Variants in FHOD3 observed in about 807,000 individuals in gnomAD.
FHOD3 encodes the protein formin homology 2 domain containing 3.
A neutral mutation model predicts 173.0 loss-of-function variants in FHOD3; 90 were observed. That is an observed-to-expected ratio of 0.52 (90% CI 0.44 to 0.62). The LOEUF (loss-of-function observed/expected upper bound fraction) is 0.62. Ranked by LOEUF, FHOD3 falls within the 20% of genes least tolerant of loss-of-function variation. The pLI, the probability that FHOD3 is intolerant of heterozygous loss-of-function variation, is 0.00. For missense variants in FHOD3, 1,945 were observed against 2,034.7 expected (o/e 0.96, Z 0.85); for synonymous variants, 828 against 823.0 (o/e 1.01, Z -0.10).
chr18:36,564,355 T>C (rs184983225), intron 5 of FHOD3, among the ~76,000 whole-genome samples: 3 of 152,336 alleles, frequency 2.0e-5, no homozygotes, highest in South Asian at 2.1e-4. Flanking sequence ...TAATCTGTTA[T>C]ACTTTCCTTC....
At chr18:36,587,897 G>T (rs2059090833) in intron 6 of FHOD3, among the ~76,000 whole-genome samples, 1 of 152,076 alleles carries the variant, frequency 6.6e-6, no homozygotes, top group South Asian at 2.1e-4. Flanking sequence ...AAATCCTAAG[G>T]GCTACCCAGC....
intron 1 of FHOD3, among the ~76,000 whole-genome samples, chr18:36,301,344 A>G (rs958461277): frequency 1.3e-5 from 2 of 152,232 alleles, no homozygotes; most frequent in Admixed American, 6.5e-5. Flanking sequence ...TTGTTCATTT[A>G]ATAAAATTGT....
intron 24 of FHOD3, among the ~76,000 whole-genome samples, chr18:36,751,093 T>C (rs1246836078): frequency 6.6e-6 from 1 of 152,244 alleles, no homozygotes; most frequent in Non-Finnish European, 1.5e-5. Context: ...TTAATGACAC[T>C]AATCCTTCCA....
At chr18:36,543,682 C>T (rs1022945342) in intron 5 of FHOD3, among the ~76,000 whole-genome samples, 3 of 152,158 alleles carry the variant, frequency 2.0e-5, no homozygotes, top group East Asian at 1.9e-4. Flanking sequence ...GAGCAAGCCC[C>T]GCGTACTGGC....
intron 1 of FHOD3, among the ~76,000 whole-genome samples, chr18:36,319,880 A>G (rs1181774998): frequency 6.6e-6 from 1 of 152,222 alleles, no homozygotes; most frequent in Non-Finnish European, 1.5e-5. Context: ...CTACTCCTGA[A>G]TGACAACTGG....
At chr18:36,562,489 G>T (rs558305930) in intron 5 of FHOD3, among the ~76,000 whole-genome samples, 7 of 152,210 alleles carry the variant, frequency 4.6e-5, no homozygotes, top group Non-Finnish European at 1.0e-4. Context: ...TTGAAACCGT[G>T]TCTATCAAAC....
At chr18:36,624,306 T>C (rs142816747) in intron 9 of FHOD3, among the ~76,000 whole-genome samples, 23 of 152,302 alleles carry the variant, frequency 1.5e-4, no homozygotes, top group African/African-American at 5.5e-4. Flanking sequence ...ATTACCTTCA[T>C]TTGGTGAGCC....
intron 3 of FHOD3, among the ~76,000 whole-genome samples, chr18:36,500,080 T>C (rs1278157590): frequency 6.6e-6 from 1 of 152,204 alleles, no homozygotes; most frequent in Admixed American, 6.5e-5. Context: ...GTGTCTGTAA[T>C]ACAGCAAGGG....
intron 1 of FHOD3, among the ~76,000 whole-genome samples, chr18:36,311,842 C>T (rs980591440): frequency 9.8e-5 from 15 of 152,306 alleles, no homozygotes; most frequent in Admixed American, 3.9e-4. Context: ...GGGACAGGTG[C>T]GCCCCTTCTT....
chr18:36,763,603 TATATA>T (rs769657667), intron 27 of FHOD3, among the ~76,000 whole-genome samples: 1 of 148,308 alleles, frequency 6.7e-6, no homozygotes, highest in Non-Finnish European at 1.5e-5. Context: ...ATACACGTTA[TATATA>T]ATATGTGTAT....
chr18:36,313,290 A>G (rs1598666942), intron 1 of FHOD3, among the ~76,000 whole-genome samples: 1 of 152,234 alleles, frequency 6.6e-6, no homozygotes, highest in Non-Finnish European at 1.5e-5. Context: ...TGAACTTAAA[A>G]AAAACCTTCA....
At chr18:36,641,785 A>G (rs762550357) in intron 10 of FHOD3, among the ~76,000 whole-genome samples, 12 of 151,998 alleles carry the variant, frequency 7.9e-5, no homozygotes, top group Non-Finnish European at 1.5e-4. Flanking sequence ...GTGAAACCCT[A>G]TCTCTACTAA....
chr18:36,660,561 C>G (rs576095618), intron 14 of FHOD3, among the ~76,000 whole-genome samples: 1 of 152,130 alleles, frequency 6.6e-6, no homozygotes, highest in Non-Finnish European at 1.5e-5. Context: ...AGTTGGCTGC[C>G]GCCTGGAGGG....
intron 3 of FHOD3, among the ~76,000 whole-genome samples, chr18:36,441,064 A>C (rs754852400): frequency 2.6e-5 from 4 of 152,174 alleles, no homozygotes; most frequent in Admixed American, 6.5e-5. Flanking sequence ...GTGTAAGGTC[A>C]TTCTCTCTTA....
intron 5 of FHOD3, among the ~76,000 whole-genome samples, chr18:36,539,593 C>T (rs576040021): frequency 2.6e-5 from 4 of 152,116 alleles, no homozygotes; most frequent in Non-Finnish European, 4.4e-5. Flanking sequence ...CTCAGTGGCA[C>T]CTTTCAATGG....
At chr18:36,311,544 G>A (rs773957824) in intron 1 of FHOD3, among the ~76,000 whole-genome samples, 8 of 152,072 alleles carry the variant, frequency 5.3e-5, no homozygotes, top group Non-Finnish European at 1.0e-4. Flanking sequence ...CATATTTTTT[G>A]TATGTCACAG....
chr18:36,499,073 T>TTTTTGTTTTG (rs149323059), intron 3 of FHOD3, among the ~76,000 whole-genome samples: 44 of 151,092 alleles, frequency 2.9e-4, no homozygotes, highest in African/African-American at 7.8e-4. Context: ...CCTATTGCTA[T>TTTTTGTTTTG]TTTTGTTTTG....
chr18:36,650,416 A>C lies in FHOD3; in HGVS notation c.1286+1011A>C, dbSNP rs548571613. ...TCATAGAATCTTCTCTGAACTGACA[A>C]ACTAATGATTGCTTGCCCCTATTTG... On this transcript the variant is annotated intron_variant, in intron 11 of 28. Transcript: ENST00000590592. 4.1e-4 allele frequency among the ~76,000 whole-genome samples: 63 copies of C among 152,284 alleles called. 2 individuals are homozygous for C. Among genetic ancestry groups the C allele is most frequent in the Admixed American group, 4.1e-3 (62 of 15,304 alleles).
rs2047272 is a variant in FHOD3 at position 36,602,975 on chromosome 18, A to G, written c.813+207A>G. ...GGGAAGACGATGTGAACATGCAAAG[A>G]AGACAGCCACAAGAGGACAGGCAGA... On this transcript the variant is annotated intron_variant, in intron 8 of 28. Transcript: ENST00000590592. 0.35 allele frequency among the ~76,000 whole-genome samples: 53,228 copies of G among 151,970 alleles called. 9,496 individuals are homozygous for G. Among genetic ancestry groups the G allele is most frequent in the Middle Eastern group, 0.44 (128 of 294 alleles).
Sources: allele counts gnomAD v4.1 joint callset (sites outside exome capture counted in the v4.1 genomes callset), GRCh38; gene constraint gnomAD v4.1.1; transcripts MANE v1.5; gene names NCBI Gene and HGNC (gene_info 2026-07-23, HGNC 2026-07-21).